ZKSCAN8: variants seen among roughly 807,000 people sequenced by gnomAD.
The protein encoded by ZKSCAN8 is zinc finger protein with KRAB and SCAN domains 8.
Under a neutral mutation model 57.2 loss-of-function variants are expected in ZKSCAN8, and 27 were observed. The ratio of observed to expected loss-of-function variants is 0.47; its 90% CI spans 0.35 to 0.65. The LOEUF (loss-of-function observed/expected upper bound fraction) is 0.65. Ranked by LOEUF, ZKSCAN8 falls within the 30% of genes least tolerant of loss-of-function variation. The pLI, the probability that ZKSCAN8 is intolerant of heterozygous loss-of-function variation, is 0.01. For missense variants in ZKSCAN8, 597 were observed against 696.3 expected (o/e 0.86, Z 1.60); for synonymous variants, 214 against 248.7 (o/e 0.86, Z 1.31).
Position 28,148,500 on chromosome 6 carries a change from T to C in ZKSCAN8, c.93T>C (p.His31=). The C allele has an allele frequency of 6.2e-7, 1 of 1,614,140 alleles. No homozygotes were observed. Among genetic ancestry groups the C allele is most frequent in the Non-Finnish European group, 8.5e-7 (1 of 1,180,022 alleles). Residue 31 remains histidine, a synonymous_variant, in exon 2 of 6, where the codon CAT becomes CAC. Coordinates refer to ENST00000330236, the MANE Select transcript of ZKSCAN8 (RefSeq NM_006298.4). ...TAATCGTCAAGGTAGAGGAGGATCA[T>C]GGTTGGGACCAGGAATCTAGTCTGC... ...DLVIVKVEED[H]GWDQESSLHE...
rs1310723898 is a variant in ZKSCAN8, at chr6:28,155,972, A to G, written c.*1955A>G. 2.5e-6 allele frequency: 1 copy of G among 395,478 alleles called. No individual in the cohort carries two copies. Among genetic ancestry groups the G allele is most frequent in the African/African-American group, 2.1e-5 (1 of 48,542 alleles). The allele number at this position is 395,478 out of a possible 1,614,324, so 24.5% of individuals were successfully genotyped here. On this transcript the variant is annotated 3_prime_UTR_variant, in exon 6 of 6. Coordinates refer to ENST00000330236, the MANE Select transcript of ZKSCAN8 (RefSeq NM_006298.4). ...CTTTTATTTATAAGTTACCATTCCT[A>G]GTTTCTTTGTACTTGAAATTTTAAG...
intron 1 of ZKSCAN8, among the ~76,000 whole-genome samples, chr6:28,143,775 C>A (rs1411278186): frequency 1.3e-5 from 2 of 151,896 alleles, no homozygotes; most frequent in Non-Finnish European, 2.9e-5. Context: ...TAACATTAAA[C>A]CATAAGTAGC....
At position 28,153,216 on chromosome 6, in the gene ZKSCAN8, G is replaced by A. The variant is rs951893023; in HGVS notation, c.936G>A (p.Gln312=). ...ACCTTCTGGGCAGATTAGAGAGGCA[G>A]CGGGGAAATCCCACACAAGAGAGAC... ...ARDLLGRLER[Q]RGNPTQERRH... The change falls in exon 6 of 6, where the codon CAG becomes CAA. Residue 312 remains glutamine, a synonymous_variant. Coordinates refer to ENST00000330236, the MANE Select transcript of ZKSCAN8 (RefSeq NM_006298.4). 3 of 1,614,222 alleles carry A rather than the reference G, an allele frequency of 1.9e-6. No homozygotes were observed. Among genetic ancestry groups the A allele is most frequent in the Admixed American group, 1.7e-5 (1 of 60,024 alleles).
At chr6:28,149,824 CTT>C (rs200182974) in intron 3 of ZKSCAN8, among the ~76,000 whole-genome samples, 200 bp downstream of exon 3, 3 of 144,974 alleles carry the variant, frequency 2.1e-5, no homozygotes, top group African/African-American at 5.0e-5. Flanking sequence ...AATAATTTGA[CTT>C]TTTTTTTTTT....
At chr6:28,150,085 G>A (rs759339867) in intron 3 of ZKSCAN8, among the ~76,000 whole-genome samples, 8 of 152,102 alleles carry the variant, frequency 5.3e-5, no homozygotes, top group Non-Finnish European at 1.2e-4. Flanking sequence ...ATTAAGAAAT[G>A]TAGTATTGCT....
intron 1 of ZKSCAN8, among the ~76,000 whole-genome samples, chr6:28,145,846 A>T (rs1479812668): frequency 1.3e-5 from 2 of 152,192 alleles, no homozygotes; most frequent in African/African-American, 4.8e-5. Context: ...TGGCCTACCC[A>T]TTCCAGTATA....
At chr6:28,145,825 T>C (rs759176102) in intron 1 of ZKSCAN8, among the ~76,000 whole-genome samples, 35 of 152,218 alleles carry the variant, frequency 2.3e-4, no homozygotes, top group Non-Finnish European at 1.8e-4. Flanking sequence ...GTGCCAGTCA[T>C]ATTGGTTTAA....
In ZKSCAN8 at chr6:28,157,388, G is replaced by A. The variant is rs770142618; in HGVS notation, c.*3371G>A. On this transcript the variant is annotated 3_prime_UTR_variant, in exon 6 of 6. Coordinates refer to ENST00000330236, the MANE Select transcript of ZKSCAN8 (RefSeq NM_006298.4). Reference sequence around the variant, plus strand: ...GGACACAGCCAAACCATATCAATAGGTATTATTTTATCCCCCATTTTATAA... The same window carrying A: ...GGACACAGCCAAACCATATCAATAGATATTATTTTATCCCCCATTTTATAA... The A allele has an allele frequency of 6.6e-6, 1 of 152,094 alleles. No homozygotes were observed. The allele number at this position is 152,094 out of a possible 1,614,324, so 9.4% of individuals were successfully genotyped here.
intron 1 of ZKSCAN8, among the ~76,000 whole-genome samples, chr6:28,145,595 A>G (rs1225715): frequency 0.52 from 79,548 of 152,024 alleles, 24,349 homozygotes; most frequent in African/African-American, 0.85. Context: ...CTGTCTCATA[A>G]TTAGGAAGGC....
rs1419556212 is a variant in ZKSCAN8, at chr6:28,158,208, A to G, written c.*4191A>G. 6.6e-6 allele frequency: 1 copy of G among 151,034 alleles called. No individual in the cohort carries two copies. The highest frequency in any genetic ancestry group is 1.5e-5 in the Non-Finnish European group (1 of 67,692). The allele number at this position is 151,034 out of a possible 1,614,324, so 9.4% of individuals were successfully genotyped here. A position where few individuals can be genotyped will look rare whatever the true frequency, so the allele number is the denominator to read the frequency against. ...GCTTGTGGGATCCTTTTTCTCTAAT[A>G]TCTGTCTTTCTTTTTTTAGTTGATC... is the stretch of plus-strand genomic sequence containing the variant. On this transcript the variant is annotated 3_prime_UTR_variant, in exon 6 of 6. Transcript: ENST00000330236.
intron 5 of ZKSCAN8, among the ~76,000 whole-genome samples, chr6:28,152,593 C>T (rs755351794): frequency 6.6e-6 from 1 of 152,100 alleles, no homozygotes; most frequent in Non-Finnish European, 1.5e-5. Flanking sequence ...AGGGTACTGG[C>T]GTTTTTGCCA....
chr6:28,149,450 A>G (rs1486526231), intron 2 of ZKSCAN8, 33 bp from the exon 3 acceptor site: 2 of 1,611,344 alleles, frequency 1.2e-6, no homozygotes, highest in Non-Finnish European at 1.7e-6. Flanking sequence ...TCGCAAAGGG[A>G]TTCCTTATTA....
Position 28,154,023 on chromosome 6 carries a change from A to G in ZKSCAN8, c.*6A>G. The G allele has an allele frequency of 6.3e-7, 1 of 1,579,236 alleles. No individual in the cohort carries two copies. The highest frequency in any genetic ancestry group is 8.6e-7 in the Non-Finnish European group (1 of 1,165,476). ...CTGAATCCATAAGCGTTTAGGAACAACATCAGTTAGAGTTTGAGCATTATT... is the reference window on the plus strand; with the variant it reads ...CTGAATCCATAAGCGTTTAGGAACAGCATCAGTTAGAGTTTGAGCATTATT... On this transcript the variant is annotated 3_prime_UTR_variant, in exon 6 of 6. Coordinates refer to ENST00000330236, the MANE Select transcript of ZKSCAN8 (RefSeq NM_006298.4).
At chr6:28,143,336 A>G (rs2791333) in intron 1 of ZKSCAN8, among the ~76,000 whole-genome samples, 80,513 of 152,070 alleles carry the variant, frequency 0.53, 25,171 homozygotes, top group African/African-American at 0.87. Flanking sequence ...AATCAAGATG[A>G]GCAATGGGCA....
chr6:28,148,480 G>A lies in ZKSCAN8; in HGVS notation c.73G>A (p.Val25Ile), dbSNP rs780627318. The change falls in exon 2 of 6, where the codon GTC becomes ATC. Residue 25 changes from valine to isoleucine, a missense_variant. By Grantham distance (29) the Val-to-Ile change is conservative. Coordinates refer to ENST00000330236, the MANE Select transcript of ZKSCAN8 (RefSeq NM_006298.4). ...DQTPEEDLVI[V>I]KVEEDHGWDQ... ...GACTCCTGAAGAGGATCTTGTAATC[G>A]TCAAGGTAGAGGAGGATCATGGTTG... is the stretch of plus-strand genomic sequence containing the variant. 5.6e-6 allele frequency: 9 copies of A among 1,613,962 alleles called. No individual in the cohort carries two copies. Among genetic ancestry groups the A allele is most frequent in the African/African-American group, 2.7e-5 (2 of 74,878 alleles).
chr6:28,152,995 C>T, intron 5 of ZKSCAN8, 61 bp from the exon 6 acceptor site: 1 of 1,577,506 alleles, frequency 6.3e-7, no homozygotes. Flanking sequence ...TTCCTTTCTC[C>T]TAGCATAAAG....
At chr6:28,146,860 G>C (rs143123739) in intron 1 of ZKSCAN8, among the ~76,000 whole-genome samples, 2 of 152,042 alleles carry the variant, frequency 1.3e-5, no homozygotes, top group African/African-American at 4.8e-5. Context: ...CAGTTAAGTA[G>C]ATAAAGGAGA....
Position 28,148,387 on chromosome 6 carries a change from T to C in ZKSCAN8, c.-21T>C. On this transcript the variant is annotated 5_prime_UTR_variant, in exon 2 of 6. Coordinates refer to ENST00000330236, the MANE Select transcript of ZKSCAN8 (RefSeq NM_006298.4). ...ATAAAGAAGGTAGTGGAAACGAACT[T>C]CCTGAGCTTTTCAGGCTCTAATGGC... 1 of 1,596,814 alleles carries C rather than the reference T, an allele frequency of 6.3e-7. No individual in the cohort carries two copies. Among genetic ancestry groups the C allele is most frequent in the Non-Finnish European group, 8.5e-7 (1 of 1,170,412 alleles).
At position 28,149,680 on chromosome 6, in the gene ZKSCAN8, T is replaced by C. The variant is rs925258606; in HGVS notation, c.559+56T>C. 2.5e-6 allele frequency: 4 copies of C among 1,596,878 alleles called. No individual in the cohort carries two copies. The Admixed American group carries it at 6.9e-5, about 27-fold the overall frequency. On this transcript the variant is annotated intron_variant, in intron 3 of 5. Coordinates refer to ENST00000330236, the MANE Select transcript of ZKSCAN8 (RefSeq NM_006298.4). ...GGGGGAAGTACAAATAAAAGTCCAT[T>C]TGGGATACCTATCTAGTTCCTGAAG...
Sources: allele counts gnomAD v4.1 joint callset (sites outside exome capture counted in the v4.1 genomes callset), GRCh38; gene constraint gnomAD v4.1.1; transcripts MANE v1.5; gene names NCBI Gene and HGNC (gene_info 2026-07-23, HGNC 2026-07-21).